Variants in TACC1 observed in about 807,000 individuals in gnomAD.
TACC1 encodes transforming acidic coiled-coil containing protein 1.
In TACC1, 48 loss-of-function variants were observed where a neutral mutation model predicts 84.4. The observed-to-expected ratio is 0.57, with a 90% CI of 0.45 to 0.72. The LOEUF is 0.72. Ranked by LOEUF, TACC1 falls within the 30% of genes least tolerant of loss-of-function variation. The pLI is 0.00. For missense variants in TACC1, 920 were observed against 973.0 expected (o/e 0.95, Z 0.72); for synonymous variants, 372 against 376.3 (o/e 0.99, Z 0.13).
rs981991624 is a variant in TACC1, at chr8:38,849,538, A to G, written c.*1515A>G. 6.6e-6 allele frequency: 1 copy of G among 152,238 alleles called. No individual in the cohort carries two copies. The highest frequency in any genetic ancestry group is 1.5e-5 in the Non-Finnish European group (1 of 68,038). 9.4% of individuals were successfully genotyped at this position (152,238 alleles called of 1,614,324 possible). ...ACTTCTCTTGTAAAACTGTTGCATG[A>G]TCCAACTTCAGCAATGAATTGTGCC... On this transcript the variant is annotated 3_prime_UTR_variant, in exon 13 of 13. Transcript: ENST00000317827.
At chr8:38,836,086 T>G in intron 6 of TACC1, 76 bp from the exon 7 acceptor site, 107 of 1,575,166 alleles carry the variant, frequency 6.8e-5, no homozygotes, top group Non-Finnish European at 8.9e-5. Context: ...AATTTAGTAA[T>G]GAGGAAGTTG....
chr8:38,758,517 A>G (rs1446852198), intron 3 of TACC1, among the ~76,000 whole-genome samples: 2 of 151,918 alleles, frequency 1.3e-5, no homozygotes, highest in African/African-American at 2.4e-5. Context: ...CGTCTCTACT[A>G]AAAATACAAA....
chr8:38,783,127 T>TA (rs1225750468), upstream of TACC1, among the ~76,000 whole-genome samples: 1 of 148,806 alleles, frequency 6.7e-6, no homozygotes, highest in African/African-American at 2.5e-5. Context: ...TATATATATA[T>TA]ATATATGTCC....
At chr8:38,784,714 A>G (rs1816780088), upstream of TACC1, among the ~76,000 whole-genome samples, 1 of 152,230 alleles carries the variant, frequency 6.6e-6, no homozygotes, top group South Asian at 2.1e-4. Flanking sequence ...ACCTTAGCCA[A>G]ACTCACAAGG....
intron 3 of TACC1, among the ~76,000 whole-genome samples, chr8:38,752,218 C>G (rs1461275131): frequency 1.3e-5 from 2 of 152,128 alleles, no homozygotes; most frequent in African/African-American, 2.4e-5. Flanking sequence ...TGCCTGTAAT[C>G]CCAGCACCTG....
chr8:38,836,803 G>A (rs895174512), intron 7 of TACC1, among the ~76,000 whole-genome samples: 1 of 152,110 alleles, frequency 6.6e-6, no homozygotes, highest in Non-Finnish European at 1.5e-5. Context: ...ACACTGTTGT[G>A]TACCATTAAT....
intron 7 of TACC1, 99 bp downstream of exon 7, chr8:38,836,386 G>A (rs1830238835): frequency 1.3e-6 from 2 of 1,516,632 alleles, no homozygotes; most frequent in Middle Eastern, 3.7e-4. Flanking sequence ...AGTTATCACA[G>A]GCTGGAAGTT....
chr8:38,820,394 C>G lies in TACC1; in HGVS notation c.1150C>G (p.Pro384Ala), dbSNP rs755501687. ...DGPLSQTSSKPDPSQWESPSF... is the reference protein window; with the variant it reads ...DGPLSQTSSKADPSQWESPSF... ...GCCTCTCTCCCAAACATCTTCCAAG[C>G]CAGATCCTAGTCAGTGGGAAAGCCC... The change falls in exon 3 of 13, where the codon CCA (proline) becomes GCA (alanine). Residue 384 changes from proline (P) to alanine (A), a missense_variant. By Grantham distance (27) the Pro-to-Ala change is conservative (BLOSUM62 -1). Around this residue, in one of 2 missense-constraint regions of TACC1, gnomAD observed 762 missense variants for 747.3 expected, o/e 1.02. Coordinates refer to ENST00000317827, the MANE Select transcript of TACC1 (RefSeq NM_006283.3). 1 of 1,614,162 alleles carries G rather than the reference C, an allele frequency of 6.2e-7. No homozygotes were observed. The highest frequency in any genetic ancestry group is 1.7e-5 in the Admixed American group (1 of 60,032).
At chr8:38,786,968 C>G (rs1371603412), upstream of TACC1, among the ~76,000 whole-genome samples, 1 of 151,976 alleles carries the variant, frequency 6.6e-6, no homozygotes, top group Non-Finnish European at 1.5e-5. Context: ...TGCCCCGGCT[C>G]AGAAAACGGT....
At chr8:38,808,724 T>C (rs1823342078) in intron 2 of TACC1, among the ~76,000 whole-genome samples, 1 of 152,246 alleles carries the variant, frequency 6.6e-6, no homozygotes. Context: ...CCTAGTGTTT[T>C]AGGGCAGCAC....
intron 12 of TACC1, among the ~76,000 whole-genome samples, chr8:38,847,108 T>C (rs578000963): frequency 2.6e-5 from 4 of 152,242 alleles, no homozygotes; most frequent in Non-Finnish European, 5.9e-5. Context: ...CCTTTCTTTC[T>C]TTCTTTGTTT....
At position 38,827,467 on chromosome 8, in the gene TACC1, G is replaced by T. The variant is rs772027544; in HGVS notation, c.1660+92G>T. On this transcript the variant is annotated intron_variant, in intron 5 of 12. Transcript: ENST00000317827. Reference sequence around the variant, plus strand: ...CAGGAGGAGCCTTACAGAGATTAAAGAATTGGGTCACTTGAAGGATAGATT... The same window carrying T: ...CAGGAGGAGCCTTACAGAGATTAAATAATTGGGTCACTTGAAGGATAGATT... 17 of 1,323,414 alleles carry T rather than the reference G, an allele frequency of 1.3e-5. 1 individual carries two copies. The African/African-American group carries it at 1.9e-4, about 15-fold the overall frequency. The allele number at this position is 1,323,414 out of a possible 1,614,324, so 82.0% of individuals were successfully genotyped here.
chr8:38,823,400 T>C (rs1221675352), intron 3 of TACC1, among the ~76,000 whole-genome samples: 1 of 152,220 alleles, frequency 6.6e-6, no homozygotes, highest in African/African-American at 2.4e-5. Flanking sequence ...CCTAGGTACT[T>C]CCTCCCCTAA....
At chr8:38,792,592 A>T (rs1818940874) in intron 2 of TACC1, among the ~76,000 whole-genome samples, 2 of 152,096 alleles carry the variant, frequency 1.3e-5, no homozygotes, top group Admixed American at 1.3e-4. Flanking sequence ...CAGCCTCCCA[A>T]GTAGCTAGGA....
intron 3 of TACC1, chr8:38,757,097 C>T: frequency 5.3e-6 from 2 of 374,922 alleles, no homozygotes; most frequent in Non-Finnish European, 8.5e-6. Context: ...CCAGGGGCTC[C>T]GCATCTCCAG....
chr8:38,844,231 G>A (rs1053052248), intron 11 of TACC1, among the ~76,000 whole-genome samples: 17 of 151,886 alleles, frequency 1.1e-4, no homozygotes, highest in South Asian at 4.2e-4. Flanking sequence ...GGAGTGGAGC[G>A]GTGCAATCTA....
At chr8:38,749,534 T>C (rs1406271598) in intron 3 of TACC1, among the ~76,000 whole-genome samples, 1 of 152,118 alleles carries the variant, frequency 6.6e-6, no homozygotes, top group Non-Finnish European at 1.5e-5. Context: ...TCCAGCAGCA[T>C]AAAAAAGGTT....
At chr8:38,748,825 G>T (rs935243336) in intron 3 of TACC1, among the ~76,000 whole-genome samples, 4 of 152,050 alleles carry the variant, frequency 2.6e-5, no homozygotes, top group African/African-American at 9.7e-5. Flanking sequence ...AGTTTTGAAA[G>T]CCTATACGAA....
intron 3 of TACC1, among the ~76,000 whole-genome samples, chr8:38,746,147 A>G (rs1385584290): frequency 6.6e-6 from 1 of 152,136 alleles, no homozygotes; most frequent in Non-Finnish European, 1.5e-5. Context: ...ATGTTATTTT[A>G]TAGTTTTAGG....
Sources: gnomAD v4.1 joint callset for allele counts (sites outside exome capture counted in the v4.1 genomes callset) on GRCh38, gnomAD v4.1.1 for gene constraint, gnomAD v4.1.1 regional missense constraint, MANE v1.5 for transcripts, NCBI Gene and HGNC (gene_info 2026-07-23, HGNC 2026-07-21) for gene names.